The following SNTG1 variants were observed in gnomAD, a reference collection of about 807,000 sequenced individuals.
SNTG1 encodes syntrophin gamma 1, also known as gamma-1-syntrophin.
In SNTG1, 39 loss-of-function variants were observed where a neutral mutation model predicts 74.7. That is an observed-to-expected ratio of 0.52 (90% CI 0.40 to 0.68). The LOEUF is 0.68. Ranked by LOEUF, SNTG1 falls within the 30% of genes least tolerant of loss-of-function variation. SNTG1 has a pLI of 0.00. For missense variants in SNTG1, 685 were observed against 609.5 expected (o/e 1.12, Z -1.30); for synonymous variants, 254 against 217.1 (o/e 1.17, Z -1.49).
intron 3 of SNTG1, among the ~76,000 whole-genome samples, chr8:50,396,498 G>A (rs2092730515): frequency 6.6e-6 from 1 of 152,164 alleles, no homozygotes; most frequent in Non-Finnish European, 1.5e-5. Context: ...ATAAGATGCA[G>A]TTTGAAGCAC....
At chr8:50,780,582 A>G (rs1445734344) in intron 18 of SNTG1, among the ~76,000 whole-genome samples, 4 of 151,274 alleles carry the variant, frequency 2.6e-5, no homozygotes, top group Non-Finnish European at 4.4e-5. Flanking sequence ...CATCTATTTG[A>G]TTCTTCTCTC....
chr8:50,157,674 G>A (rs140474152), intron 1 of SNTG1, among the ~76,000 whole-genome samples: 1 of 152,146 alleles, frequency 6.6e-6, no homozygotes, highest in Non-Finnish European at 1.5e-5. Context: ...TGATATTTAG[G>A]ACTTTTCATT....
intron 13 of SNTG1, among the ~76,000 whole-genome samples, chr8:50,625,341 C>T (rs898329748): frequency 7.9e-5 from 12 of 152,278 alleles, no homozygotes; most frequent in Middle Eastern, 3.4e-3. Context: ...TCCCACTTCC[C>T]TTTTTGTAAG....
At chr8:49,939,419 C>T (rs1808478575) in intron 1 of SNTG1, among the ~76,000 whole-genome samples, 2 of 152,098 alleles carry the variant, frequency 1.3e-5, no homozygotes, top group Admixed American at 1.3e-4. Flanking sequence ...GTATACACAC[C>T]ACAAATGCTC....
At chr8:50,039,410 G>T (rs944838208) in intron 1 of SNTG1, among the ~76,000 whole-genome samples, 1 of 131,786 alleles carries the variant, frequency 7.6e-6, no homozygotes. Context: ...AGCCGAGATC[G>T]CGCCACGGCA....
intron 12 of SNTG1, among the ~76,000 whole-genome samples, chr8:50,589,588 A>G (rs2094678375): frequency 7.3e-6 from 1 of 136,192 alleles, no homozygotes; most frequent in Non-Finnish European, 1.5e-5. Flanking sequence ...TATTTTTCAG[A>G]TTAAAAAAAA....
intron 3 of SNTG1, among the ~76,000 whole-genome samples, chr8:50,396,538 T>C (rs1277318958): frequency 1.3e-5 from 2 of 152,198 alleles, no homozygotes; most frequent in African/African-American, 2.4e-5. Flanking sequence ...AGTACACTAC[T>C]GCTACAATGC....
intron 2 of SNTG1, among the ~76,000 whole-genome samples, chr8:50,371,211 C>T (rs572407407): frequency 2.6e-4 from 39 of 152,266 alleles, no homozygotes; most frequent in African/African-American, 7.9e-4. Flanking sequence ...CCATTGGTCA[C>T]CACGTTATTA....
intron 2 of SNTG1, among the ~76,000 whole-genome samples, chr8:50,216,689 A>G (rs1459230335): frequency 2.0e-5 from 3 of 152,172 alleles, no homozygotes; most frequent in African/African-American, 4.8e-5. Flanking sequence ...AAAAATAACC[A>G]TGGATCGTGC....
At chr8:50,494,837 T>C (rs1240341484) in intron 8 of SNTG1, among the ~76,000 whole-genome samples, 1 of 152,104 alleles carries the variant, frequency 6.6e-6, no homozygotes, top group Non-Finnish European at 1.5e-5. Flanking sequence ...AATATTGTCA[T>C]TACCTTAAAT....
intron 2 of SNTG1, among the ~76,000 whole-genome samples, chr8:50,322,655 G>T (rs1421896961): frequency 1.3e-5 from 2 of 151,868 alleles, no homozygotes; most frequent in African/African-American, 4.8e-5. Flanking sequence ...CCTCCTTAAT[G>T]GCAGTAACTC....
intron 1 of SNTG1, among the ~76,000 whole-genome samples, chr8:50,028,576 C>A (rs969679806): frequency 1.4e-5 from 2 of 145,508 alleles, no homozygotes; most frequent in Non-Finnish European, 3.0e-5. Context: ...CCTCTACCAA[C>A]AACGTTTAAG....
chr8:50,167,725 A>T (rs1380569281), intron 1 of SNTG1, among the ~76,000 whole-genome samples: 2 of 151,206 alleles, frequency 1.3e-5, no homozygotes, highest in South Asian at 4.2e-4. Flanking sequence ...AGATGGGAGG[A>T]TCCTGTCAGC....
chr8:50,736,086 C>T (rs1409055003), intron 17 of SNTG1, among the ~76,000 whole-genome samples: 1 of 151,940 alleles, frequency 6.6e-6, no homozygotes, highest in East Asian at 1.9e-4. Flanking sequence ...GATTTTGTCA[C>T]CACCAGGCCT....
intron 4 of SNTG1, among the ~76,000 whole-genome samples, chr8:50,437,677 C>T (rs895093739): frequency 4.6e-5 from 7 of 152,120 alleles, no homozygotes; most frequent in Non-Finnish European, 8.8e-5. Context: ...GTCAGTGTCT[C>T]AAATGATTCT....
intron 2 of SNTG1, among the ~76,000 whole-genome samples, chr8:50,367,594 A>G (rs1402435093): frequency 6.6e-6 from 1 of 152,180 alleles, no homozygotes; most frequent in Non-Finnish European, 1.5e-5. Context: ...TTAACAACTG[A>G]TTATACTAAT....
intron 8 of SNTG1, among the ~76,000 whole-genome samples, chr8:50,471,022 T>G (rs2093649546): frequency 6.6e-6 from 1 of 152,026 alleles, no homozygotes; most frequent in Non-Finnish European, 1.5e-5. Context: ...CTGATTGGTG[T>G]GTTTTTACAG....
intron 11 of SNTG1, among the ~76,000 whole-genome samples, chr8:50,542,417 A>G (rs1294809259): frequency 6.6e-6 from 1 of 151,978 alleles, no homozygotes. Flanking sequence ...TCGGCCTCCT[A>G]AAGTGTTAGG....
At chr8:50,011,848 GC>G (rs1481897503) in intron 1 of SNTG1, 1 of 152,200 alleles carries the variant, frequency 6.6e-6, no homozygotes, top group Non-Finnish European at 1.5e-5. Context: ...CAGCAGACCT[GC>G]CTTCACAGGT....
Sources: allele counts gnomAD v4.1 joint callset (sites outside exome capture counted in the v4.1 genomes callset), GRCh38; gene constraint gnomAD v4.1.1; transcripts MANE v1.5; gene names NCBI Gene and HGNC (gene_info 2026-07-23, HGNC 2026-07-21).